The following ATXN7 variants were observed in gnomAD, a reference collection of about 807,000 sequenced individuals.
ATXN7 encodes the protein ataxin 7, also known as ataxin-7.
Under a neutral mutation model 70.5 loss-of-function variants are expected in ATXN7, and 12 were observed. The ratio of observed to expected loss-of-function variants is 0.17; its 90% CI spans 0.11 to 0.28. ATXN7 has a LOEUF of 0.28. ATXN7 is among the 10% of genes least tolerant of loss of function. The pLI is 1.00. For synonymous variants in ATXN7, 498 were observed against 448.7 expected (o/e 1.11, Z -1.39); for missense variants, 1,256 against 1,131.7 (o/e 1.11, Z -1.58).
At chr3:63,872,613 C>G (rs1222616743) in intron 1 of ATXN7, among the ~76,000 whole-genome samples, 1 of 152,198 alleles carries the variant, frequency 6.6e-6, no homozygotes, top group East Asian at 1.9e-4. Context: ...AAGGCCAACT[C>G]AAATTTTAGG....
At chr3:63,894,340 GT>G (rs1349665912) in intron 1 of ATXN7, among the ~76,000 whole-genome samples, 1 of 152,074 alleles carries the variant, frequency 6.6e-6, no homozygotes, top group Non-Finnish European at 1.5e-5. Context: ...AAGTCATATT[GT>G]TTTCCCCAAG....
At chr3:63,920,476 G>T (rs1273050056) in intron 4 of ATXN7, among the ~76,000 whole-genome samples, 1 of 152,186 alleles carries the variant, frequency 6.6e-6, no homozygotes, top group South Asian at 2.1e-4. Flanking sequence ...TAACCATTCT[G>T]CTGTTCCGAG....
intron 8 of ATXN7, among the ~76,000 whole-genome samples, chr3:63,984,599 T>C (rs1046065606): frequency 5.9e-5 from 9 of 152,240 alleles, no homozygotes; most frequent in Admixed American, 2.0e-4. Context: ...CTGTGGGCAA[T>C]GAGGTTTGCT....
chr3:63,997,405 C>T lies in ATXN7; in HGVS notation c.2661+922C>T, dbSNP rs1258319237. On this transcript the variant is annotated intron_variant, in intron 12 of 12. Transcript: ENST00000674280. The stretch of plus-strand genomic sequence containing the variant: ...CAGAAGACTGAAATCTCATTCCAAG[C>T]TCATAGTTAAAAAGAAGTCTGCATA... Among the ~76,000 whole-genome samples, 11 of 152,160 alleles carry T rather than the reference C, an allele frequency of 7.2e-5. 1 individual carries two copies. Among genetic ancestry groups the T allele is most frequent in the Admixed American group, 7.2e-4 (11 of 15,284 alleles).
intron 4 of ATXN7, among the ~76,000 whole-genome samples, chr3:63,941,376 G>A (rs760275424): frequency 5.9e-5 from 9 of 152,086 alleles, no homozygotes; most frequent in Non-Finnish European, 1.3e-4. Flanking sequence ...TCAGATCAGC[G>A]GTGGCATTAG....
At chr3:63,956,300 G>A (rs540442462) in intron 5 of ATXN7, among the ~76,000 whole-genome samples, 3 of 151,878 alleles carry the variant, frequency 2.0e-5, no homozygotes, top group African/African-American at 7.2e-5. Context: ...GCGTGGTGGC[G>A]TGCGCTCCCA....
At chr3:63,927,567 A>G (rs578084127) in intron 4 of ATXN7, among the ~76,000 whole-genome samples, 6 of 152,284 alleles carry the variant, frequency 3.9e-5, no homozygotes, top group African/African-American at 1.4e-4. Context: ...TTCTTTTTTG[A>G]TTGAGTAACA....
intron 1 of ATXN7, among the ~76,000 whole-genome samples, chr3:63,894,376 G>A (rs186679750): frequency 6.6e-6 from 1 of 152,250 alleles, no homozygotes; most frequent in Admixed American, 6.5e-5. Flanking sequence ...CAAAAAAGTG[G>A]GCTATTTTAG....
intron 1 of ATXN7, chr3:63,866,790 A>T (rs1242262186): frequency 6.6e-6 from 1 of 152,184 alleles, no homozygotes; most frequent in Non-Finnish European, 1.5e-5. Context: ...GATGAATGTT[A>T]AAGTAGCAAA....
chr3:63,981,836 G>T (rs2075492092), intron 6 of ATXN7, among the ~76,000 whole-genome samples: 1 of 152,206 alleles, frequency 6.6e-6, no homozygotes, highest in Non-Finnish European at 1.5e-5. Flanking sequence ...CAAGGGTTCT[G>T]CAAATAGTCT....
intron 12 of ATXN7, 47 bp downstream of exon 12, chr3:63,996,530 C>A: frequency 6.4e-7 from 1 of 1,572,334 alleles, no homozygotes; most frequent in Non-Finnish European, 8.6e-7. Flanking sequence ...TTTCTTCTCC[C>A]TTAAGATCTT....
intron 1 of ATXN7, among the ~76,000 whole-genome samples, chr3:63,871,335 T>C (rs992380216): frequency 1.3e-5 from 2 of 152,212 alleles, no homozygotes; most frequent in African/African-American, 4.8e-5. Flanking sequence ...AGGTGTAAAA[T>C]GTGTTCTTAC....
chr3:63,986,004 G>A lies in ATXN7; in HGVS notation c.1096-2055G>A, dbSNP rs562317019. On this transcript the variant is annotated intron_variant, in intron 8 of 12. Transcript: ENST00000674280. ...AAGATGAGAGGACTACATTATGAAA[G>A]CCTGCAAAAATGAAGTTTTTCCAGG... Among the ~76,000 whole-genome samples, 3 of 152,336 alleles carry A rather than the reference G, an allele frequency of 2.0e-5. No individual in the cohort carries two copies. In the South Asian group the frequency reaches 6.2e-4, roughly 32 times the overall value.
intron 4 of ATXN7, among the ~76,000 whole-genome samples, chr3:63,949,275 T>C (rs1280817792): frequency 2.6e-5 from 4 of 151,330 alleles, no homozygotes; most frequent in Admixed American, 1.3e-4. Context: ...TTTTTTTTCC[T>C]GAAGAAGCAT....
chr3:63,931,033 G>A (rs1421988020), intron 4 of ATXN7, among the ~76,000 whole-genome samples: 1 of 152,168 alleles, frequency 6.6e-6, no homozygotes, highest in Non-Finnish European at 1.5e-5. Context: ...CTAAGAAAAG[G>A]TGAGACACAA....
intron 1 of ATXN7, among the ~76,000 whole-genome samples, chr3:63,893,413 C>T (rs1703345690): frequency 1.3e-5 from 2 of 152,108 alleles, no homozygotes; most frequent in African/African-American, 4.8e-5. Context: ...CCTAGTTAAC[C>T]TCAGTGAAGC....
At chr3:63,997,959 T>C (rs960582369) in intron 12 of ATXN7, 2 of 985,270 alleles carry the variant, frequency 2.0e-6, no homozygotes, top group Admixed American at 6.1e-5. Context: ...ATGAGAAGTG[T>C]GCTTTTCCTT....
At chr3:63,900,998 T>C (rs1703618561) in intron 2 of ATXN7, 1 of 152,216 alleles carries the variant, frequency 6.6e-6, no homozygotes, top group Non-Finnish European at 1.5e-5. Context: ...AGGCCCGATA[T>C]CTGTTCATTC....
chr3:63,980,859 G>A (rs1225209340), intron 6 of ATXN7, among the ~76,000 whole-genome samples: 1 of 152,136 alleles, frequency 6.6e-6, no homozygotes, highest in Non-Finnish European at 1.5e-5. Flanking sequence ...TCAGCCTTAG[G>A]TTCACATCAC....
Sources: allele counts gnomAD v4.1 joint callset (sites outside exome capture counted in the v4.1 genomes callset), GRCh38; gene constraint gnomAD v4.1.1; transcripts MANE v1.5; gene names NCBI Gene and HGNC (gene_info 2026-07-23, HGNC 2026-07-21).